WASF1: variants seen among roughly 807,000 people sequenced by gnomAD.
WASF1 encodes the protein actin-binding protein WASF1.
A neutral mutation model predicts 50.5 loss-of-function variants in WASF1; 7 were observed. The observed-to-expected ratio is 0.14, with a 90% CI of 0.08 to 0.26. The LOEUF (loss-of-function observed/expected upper bound fraction) is 0.26. Among genes scored for constraint, WASF1 ranks in the 10% least tolerant of loss-of-function variants. The pLI is 1.00. For missense variants in WASF1, 470 were observed against 694.7 expected (o/e 0.68, Z 3.64); for synonymous variants, 205 against 244.0 (o/e 0.84, Z 1.49).
chr6:110,148,095 G>C (rs1228424089), intron 3 of WASF1, among the ~76,000 whole-genome samples: 1 of 152,126 alleles, frequency 6.6e-6, no homozygotes, highest in African/African-American at 2.4e-5. Context: ...TGAAGTTTGA[G>C]GCATCTAAAC....
At chr6:110,102,845 G>T (rs1220217523) in intron 9 of WASF1, among the ~76,000 whole-genome samples, 1 of 152,072 alleles carries the variant, frequency 6.6e-6, no homozygotes, top group African/African-American at 2.4e-5. Context: ...TAACTGACAA[G>T]ATTAAACTTC....
At chr6:110,132,963 T>TACACACACACAC (rs142466639) in intron 3 of WASF1, among the ~76,000 whole-genome samples, 4,182 of 130,068 alleles carry the variant, frequency 0.032, 89 homozygotes, top group East Asian at 0.11. Flanking sequence ...CCATGGTGTA[T>TACACACACACAC]ACACACACAC....
intron 4 of WASF1, among the ~76,000 whole-genome samples, chr6:110,125,597 C>T (rs922594794): frequency 2.6e-5 from 4 of 152,058 alleles, no homozygotes; most frequent in Admixed American, 6.6e-5. Context: ...TATCTAGAGG[C>T]CTTTTAAATT....
intron 3 of WASF1, among the ~76,000 whole-genome samples, chr6:110,128,231 G>A (rs1056018369): frequency 1.3e-5 from 2 of 151,982 alleles, no homozygotes; most frequent in Non-Finnish European, 1.5e-5. Flanking sequence ...TATACAAAAC[G>A]TTTTTTAAAA....
chr6:110,122,699 C>T (rs1279265810), intron 4 of WASF1, among the ~76,000 whole-genome samples: 1 of 152,020 alleles, frequency 6.6e-6, no homozygotes, highest in Non-Finnish European at 1.5e-5. Context: ...TTTTCTCTAG[C>T]TTACCTTATT....
At chr6:110,150,019 G>T (rs1383010393) in intron 3 of WASF1, among the ~76,000 whole-genome samples, 1 of 152,054 alleles carries the variant, frequency 6.6e-6, no homozygotes, top group Non-Finnish European at 1.5e-5. Context: ...ACCTGGCCTT[G>T]TTACTGTATT....
intron 2 of WASF1, among the ~76,000 whole-genome samples, chr6:110,172,318 T>C (rs571458195): frequency 2.6e-5 from 4 of 152,194 alleles, no homozygotes; most frequent in East Asian, 3.9e-4. Flanking sequence ...ATTAAGCAAA[T>C]GTGGCACATA....
At chr6:110,179,027 T>C (rs1777072156) in intron 1 of WASF1, among the ~76,000 whole-genome samples, 1 of 152,198 alleles carries the variant, frequency 6.6e-6, no homozygotes, top group Admixed American at 6.5e-5. Flanking sequence ...TTACCGAGCC[T>C]CGCGCACGTA....
At chr6:110,142,083 T>C (rs1020691285) in intron 3 of WASF1, among the ~76,000 whole-genome samples, 1 of 152,180 alleles carries the variant, frequency 6.6e-6, no homozygotes, top group African/African-American at 2.4e-5. Context: ...TGTATGTGCA[T>C]GGAAAAGAAA....
At chr6:110,113,215 G>C (rs1024389016) in intron 5 of WASF1, 111 bp downstream of exon 5, 5 of 955,424 alleles carry the variant, frequency 5.2e-6, no homozygotes, top group Admixed American at 8.3e-5. Flanking sequence ...TACACCAAAG[G>C]ACATGGGTAT....
chr6:110,120,251 C>A (rs543359555), intron 4 of WASF1, among the ~76,000 whole-genome samples: 2 of 152,138 alleles, frequency 1.3e-5, no homozygotes, highest in Non-Finnish European at 2.9e-5. Context: ...GTCAAATTGT[C>A]TCTTGTTTTC....
chr6:110,136,544 T>C (rs1176254261), intron 3 of WASF1, among the ~76,000 whole-genome samples: 1 of 152,220 alleles, frequency 6.6e-6, no homozygotes, highest in Non-Finnish European at 1.5e-5. Context: ...GATTTATATA[T>C]TTCAAGACTA....
chr6:110,110,334 C>A (rs1307988263), intron 5 of WASF1, among the ~76,000 whole-genome samples: 1 of 152,126 alleles, frequency 6.6e-6, no homozygotes, highest in Non-Finnish European at 1.5e-5. Flanking sequence ...ATCTTTTTGC[C>A]ACAATACCAC....
At chr6:110,169,320 A>G (rs750893383) in intron 2 of WASF1, among the ~76,000 whole-genome samples, 8 of 152,078 alleles carry the variant, frequency 5.3e-5, no homozygotes, top group Non-Finnish European at 1.0e-4. Flanking sequence ...AATCAAATTC[A>G]TTATCCATCA....
intron 4 of WASF1, among the ~76,000 whole-genome samples, chr6:110,119,130 A>C (rs988956704): frequency 7.9e-5 from 12 of 152,212 alleles, no homozygotes; most frequent in African/African-American, 2.4e-4. Flanking sequence ...CACAATTAAA[A>C]GAACTAGAGA....
Position 110,143,160 on chromosome 6 carries a change from A to T in WASF1, c.-28-15531T>A, listed in dbSNP as rs181430940. On this transcript the variant is annotated intron_variant, in intron 3 of 10. Transcript: ENST00000392589. ...ATCTTAATAATCTGTTTTTAATTTTAAAAAAAACCTTTTCATGGGTATACT... is the reference window on the plus strand; with the variant it reads ...ATCTTAATAATCTGTTTTTAATTTTTAAAAAAACCTTTTCATGGGTATACT... Among the ~76,000 whole-genome samples the T allele has an allele frequency of 4.0e-3, 607 of 151,488 alleles. 3 individuals are homozygous for T. The highest frequency in any genetic ancestry group is 0.013 in the African/African-American group (543 of 41,414).
At chr6:110,129,394 A>G (rs1774560030) in intron 3 of WASF1, among the ~76,000 whole-genome samples, 1 of 152,238 alleles carries the variant, frequency 6.6e-6, no homozygotes, top group Non-Finnish European at 1.5e-5. Flanking sequence ...GACTGTGGAA[A>G]TGTTGCCACT....
chr6:110,168,286 C>A (rs1776558468), intron 2 of WASF1, among the ~76,000 whole-genome samples: 1 of 151,914 alleles, frequency 6.6e-6, no homozygotes, highest in South Asian at 2.1e-4. Context: ...TCTTTCTGTA[C>A]TTAGTATAGC....
chr6:110,171,330 AAC>A (rs1776703949), intron 2 of WASF1, among the ~76,000 whole-genome samples: 1 of 152,176 alleles, frequency 6.6e-6, no homozygotes, highest in Non-Finnish European at 1.5e-5. Flanking sequence ...ACTTCTAAAT[AAC>A]ACATGGTTCA....
Sources: gnomAD v4.1 joint callset for allele counts (sites outside exome capture counted in the v4.1 genomes callset) on GRCh38, gnomAD v4.1.1 for gene constraint, MANE v1.5 for transcripts, NCBI Gene and HGNC (gene_info 2026-07-23, HGNC 2026-07-21) for gene names.